The following GAB1 variants were observed in gnomAD, a reference collection of about 807,000 sequenced individuals.
GAB1 encodes GRB2-associated-binding protein 1.
In GAB1, 19 loss-of-function variants were observed where a neutral mutation model predicts 66.5. The ratio of observed to expected loss-of-function variants is 0.29; its 90% confidence interval spans 0.20 to 0.42. The LOEUF is 0.42. Ranked by LOEUF, GAB1 falls within the 10% of genes least tolerant of loss-of-function variation. The pLI, the probability that GAB1 is intolerant of heterozygous loss-of-function variation, is 1.00. For missense variants in GAB1, 732 were observed against 858.5 expected (o/e 0.85, Z 1.84); for synonymous variants, 294 against 301.4 (o/e 0.98, Z 0.25).
At chr4:143,420,877 A>G (rs995508247) in intron 2 of GAB1, among the ~76,000 whole-genome samples, 7 of 152,080 alleles carry the variant, frequency 4.6e-5, no homozygotes, top group African/African-American at 1.2e-4. Context: ...ATCTTTCTCA[A>G]TTAGGGACTT....
At chr4:143,408,880 C>T (rs141736863) in intron 1 of GAB1, among the ~76,000 whole-genome samples, 109 of 152,290 alleles carry the variant, frequency 7.2e-4, no homozygotes, top group African/African-American at 2.3e-3. Flanking sequence ...TTTCCCCACA[C>T]TTTCTCAGGA....
In GAB1 at chr4:143,364,453, C is replaced by T. The variant is rs17017677; in HGVS notation, c.72+27193C>T. On this transcript the variant is annotated intron_variant, in intron 1 of 9. Transcript: ENST00000262994. ...CTCTTTAGAGAACTTCTAGAGTACACAGGCATAGACATACAAATTTAGTTT... is the reference window on the plus strand; with the variant it reads ...CTCTTTAGAGAACTTCTAGAGTACATAGGCATAGACATACAAATTTAGTTT... Among the ~76,000 whole-genome samples the T allele has an allele frequency of 2.3e-3, 353 of 152,282 alleles. 2 individuals carry two copies. The highest frequency in any genetic ancestry group is 8.1e-3 in the African/African-American group (337 of 41,556).
intron 1 of GAB1, among the ~76,000 whole-genome samples, chr4:143,372,315 T>C (rs760399008): frequency 3.3e-5 from 5 of 152,224 alleles, no homozygotes; most frequent in Non-Finnish European, 5.9e-5. Flanking sequence ...ATGACATTTT[T>C]GGTGTTTGTT....
In GAB1 at chr4:143,355,852, C is replaced by T. The variant is rs1159119828; in HGVS notation, c.72+18592C>T. On this transcript the variant is annotated intron_variant, in intron 1 of 9. Coordinates refer to ENST00000262994, the MANE Select transcript of GAB1 (RefSeq NM_002039.4). Reference sequence around the variant, plus strand: ...ATCTCATTTATACCTTTCTTCCAACCCTCCTTTAATTTTTTAAGTTTATGA... The same window carrying T: ...ATCTCATTTATACCTTTCTTCCAACTCTCCTTTAATTTTTTAAGTTTATGA... 8.5e-5 allele frequency among the ~76,000 whole-genome samples: 13 copies of T among 152,076 alleles called. No individual in the cohort carries two copies. The East Asian group carries it at 9.7e-4, about 11-fold the overall frequency.
rs1003362025 is a variant in GAB1, at chr4:143,469,892, T to G, written c.*703T>G. 5.9e-5 allele frequency: 9 copies of G among 152,700 alleles called. No homozygotes were observed. The highest frequency in any genetic ancestry group is 1.2e-4 in the Non-Finnish European group (8 of 68,094). 9.5% of individuals were successfully genotyped at this position (152,700 alleles called of 1,614,324 possible). ...TTGCACCTTTGAAAGACTGAATAAT[T>G]ACACTACCAAGTAAGCCTGCAAATC... On this transcript the variant is annotated 3_prime_UTR_variant, in exon 10 of 10. Transcript: ENST00000262994.
chr4:143,384,291 A>G (rs1176927408), intron 1 of GAB1, among the ~76,000 whole-genome samples: 1 of 152,230 alleles, frequency 6.6e-6, no homozygotes, highest in Non-Finnish European at 1.5e-5. Flanking sequence ...ATAATAATTA[A>G]TTTTTAATTA....
At chr4:143,433,985 ATTT>A (rs1439538961) in intron 3 of GAB1, 1 of 695,418 alleles carries the variant, frequency 1.4e-6, no homozygotes, top group Non-Finnish European at 2.2e-6. Context: ...TCTGTCTCCT[ATTT>A]TGTAGTCTTT....
chr4:143,406,540 C>T (rs1419835204), intron 1 of GAB1, among the ~76,000 whole-genome samples: 1 of 152,180 alleles, frequency 6.6e-6, no homozygotes, highest in East Asian at 1.9e-4. Context: ...AGAGCCTTGG[C>T]CAGAAGTAGG....
intron 1 of GAB1, among the ~76,000 whole-genome samples, chr4:143,373,857 G>GTAAATAAATAAA (rs1231332592): frequency 1.9e-5 from 1 of 53,834 alleles, no homozygotes; most frequent in African/African-American, 1.1e-4. Context: ...CTCTCTCTCT[G>GTAAATAAATAAA]TAAATAAATA....
rs1736045414 is a variant in GAB1 at position 143,470,877 on chromosome 4, A to G, written c.*1688A>G. 6.6e-6 allele frequency: 1 copy of G among 152,246 alleles called. No individual in the cohort carries two copies. Among genetic ancestry groups the G allele is most frequent in the Admixed American group, 6.5e-5 (1 of 15,272 alleles). The allele number at this position is 152,246 out of a possible 1,614,324, so 9.4% of individuals were successfully genotyped here. A position where few individuals can be genotyped will look rare whatever the true frequency, so the allele number is the denominator to read the frequency against. ...TTCATAACAAGATGAATTGTAGACT[A>G]GTAACATTTGATGCTTTTAAATATT... is the stretch of plus-strand genomic sequence containing the variant. On this transcript the variant is annotated 3_prime_UTR_variant, in exon 10 of 10. Coordinates refer to ENST00000262994, the MANE Select transcript of GAB1 (RefSeq NM_002039.4).
At chr4:143,364,510 T>C (rs1405089147) in intron 1 of GAB1, among the ~76,000 whole-genome samples, 3 of 152,176 alleles carry the variant, frequency 2.0e-5, no homozygotes, top group Non-Finnish European at 4.4e-5. Context: ...CTGAGTAGTT[T>C]ACATAAAATT....
At chr4:143,455,545 A>G (rs531018786) in intron 6 of GAB1, among the ~76,000 whole-genome samples, 3 of 152,320 alleles carry the variant, frequency 2.0e-5, no homozygotes, top group Admixed American at 2.0e-4. Flanking sequence ...GATCTTTCAG[A>G]CAAGGAGGAG....
rs190761511 is a variant in GAB1 at position 143,410,632 on chromosome 4, T to C, written c.73-4845T>C. Among the ~76,000 whole-genome samples the C allele has an allele frequency of 2.6e-3, 399 of 152,318 alleles. 2 individuals carry two copies. The highest frequency in any genetic ancestry group is 9.3e-3 in the African/African-American group (386 of 41,562). ...CAGGAAATGTTTAAAAGAATAGTTC[T>C]TTTAAAATGATGTTTAAAAACATCT... is the stretch of plus-strand genomic sequence containing the variant. On this transcript the variant is annotated intron_variant, in intron 1 of 9. Transcript: ENST00000262994.
intron 1 of GAB1, among the ~76,000 whole-genome samples, chr4:143,372,174 G>A (rs300908): frequency 0.97 from 145,801 of 150,134 alleles, 70,738 homozygotes; most frequent in South Asian, 1. Context: ...AAAAAAAAAA[G>A]ATGTATCTTG....
At chr4:143,384,679 G>A (rs1730819846) in intron 1 of GAB1, among the ~76,000 whole-genome samples, 1 of 152,210 alleles carries the variant, frequency 6.6e-6, no homozygotes, top group Admixed American at 6.5e-5. Flanking sequence ...TTCTGCTGGT[G>A]TATTTTGCAG....
At chr4:143,388,606 G>A (rs906127823) in intron 1 of GAB1, among the ~76,000 whole-genome samples, 3 of 152,066 alleles carry the variant, frequency 2.0e-5, no homozygotes, top group Admixed American at 1.3e-4. Flanking sequence ...GTAGAGATGG[G>A]GCTTCACCAT....
chr4:143,441,679 C>A (rs1333307826), intron 6 of GAB1, among the ~76,000 whole-genome samples: 2 of 152,114 alleles, frequency 1.3e-5, no homozygotes, highest in Non-Finnish European at 2.9e-5. Flanking sequence ...CTGGTTTGTT[C>A]TCTTTCACAT....
intron 1 of GAB1, among the ~76,000 whole-genome samples, chr4:143,399,378 G>C (rs530360731): frequency 1.6e-4 from 24 of 152,304 alleles, no homozygotes; most frequent in East Asian, 1.5e-3. Flanking sequence ...AGGACAAAAG[G>C]GTTTAATAGG....
At chr4:143,465,818 A>C (rs1578760929) in intron 8 of GAB1, among the ~76,000 whole-genome samples, 1 of 152,198 alleles carries the variant, frequency 6.6e-6, no homozygotes, top group East Asian at 1.9e-4. Context: ...TACAGACATA[A>C]TTTTAATAAT....
Sources: gnomAD v4.1 joint callset for allele counts (sites outside exome capture counted in the v4.1 genomes callset) on GRCh38, gnomAD v4.1.1 for gene constraint, MANE v1.5 for transcripts, NCBI Gene and HGNC (gene_info 2026-07-23, HGNC 2026-07-21) for gene names.